Variants in PKHD1 observed in about 807,000 individuals in gnomAD.
PKHD1 encodes the protein PKHD1 ciliary IPT domain containing fibrocystin/polyductin, also known as fibrocystin.
A neutral mutation model predicts 412.0 loss-of-function variants in PKHD1; 291 were observed. That is an observed-to-expected ratio of 0.71 (90% CI 0.64 to 0.78). The LOEUF is 0.78. Ranked by LOEUF, PKHD1 falls within the 30% of genes least tolerant of loss-of-function variation. The pLI is 0.00. For missense variants in PKHD1, 4,825 were observed against 4,950.7 expected, an observed-to-expected ratio of 0.97 and a Z score of 0.76; for synonymous variants, 1,777 against 1,821.5, an observed-to-expected ratio of 0.98 and a Z score of 0.62.
At chr6:51,774,429 C>A (rs2151149869) in intron 54 of PKHD1, among the ~76,000 whole-genome samples, 1 of 151,980 alleles carries the variant, frequency 6.6e-6, no homozygotes, top group East Asian at 1.9e-4. Flanking sequence ...AAAGTTTGTT[C>A]CAGTGTTATC....
intron 63 of PKHD1, among the ~76,000 whole-genome samples, chr6:51,643,062 C>G (rs932470932): frequency 1.3e-5 from 2 of 152,008 alleles, no homozygotes; most frequent in Non-Finnish European, 2.9e-5. Context: ...ATGAAAAAAG[C>G]TAAAAATTAA....
chr6:51,931,621 C>G (rs1210449734), intron 37 of PKHD1, among the ~76,000 whole-genome samples: 1 of 152,160 alleles, frequency 6.6e-6, no homozygotes, highest in East Asian at 1.9e-4. Context: ...AATGGCTGAG[C>G]TCTTTTCTAC....
intron 52 of PKHD1, among the ~76,000 whole-genome samples, chr6:51,806,754 C>T (rs1405776085): frequency 1.3e-5 from 2 of 150,870 alleles, no homozygotes; most frequent in Non-Finnish European, 2.9e-5. Flanking sequence ...AATGTGTTTG[C>T]TAATAGGAAA....
At chr6:51,639,063 TA>T in intron 63 of PKHD1, 107 bp from the exon 64 acceptor site, 1 of 872,644 alleles carries the variant, frequency 1.1e-6, no homozygotes, top group South Asian at 1.3e-5. Flanking sequence ...GACAATTTTT[TA>T]AACTCAAAGA....
In PKHD1 at chr6:51,754,764, C is replaced by T. The variant is rs766264473; in HGVS notation, c.8797+20G>A. ...TTCCTAGCTCATTCACTTACCTTAA[C>T]CAACAAACCAAAGCCTTACCAATAT... On this transcript the variant is annotated intron_variant, in intron 56 of 66. Coordinates refer to ENST00000371117, the MANE Select transcript of PKHD1 (RefSeq NM_138694.4). The T allele has an allele frequency of 1.2e-5, 20 of 1,611,030 alleles. No homozygotes were observed. The highest frequency in any genetic ancestry group is 1.7e-6 in the Non-Finnish European group (2 of 1,177,466).
At chr6:52,058,189 A>G (rs1808077089) in intron 16 of PKHD1, 134 bp downstream of exon 16, 1 of 793,320 alleles carries the variant, frequency 1.3e-6, no homozygotes, top group African/African-American at 1.7e-5. Context: ...ATGCTGTTAA[A>G]GAGATATCCT....
At chr6:51,649,251 C>T (rs760123487) in intron 61 of PKHD1, 31 bp from the exon 62 acceptor site, 89 of 1,554,976 alleles carry the variant, frequency 5.7e-5, no homozygotes, top group Middle Eastern at 3.4e-4. Flanking sequence ...CAAAATACAT[C>T]CTTAGGATTA....
chr6:51,700,387 T>C (rs115629166), intron 60 of PKHD1, among the ~76,000 whole-genome samples: 1,819 of 152,104 alleles, frequency 0.012, 19 homozygotes, highest in South Asian at 0.045. Flanking sequence ...CCAAGCTCAA[T>C]CTCCTCCCCA....
chr6:51,672,912 C>T (rs1167701229), intron 60 of PKHD1, among the ~76,000 whole-genome samples: 1 of 152,148 alleles, frequency 6.6e-6, no homozygotes, highest in Non-Finnish European at 1.5e-5. Flanking sequence ...ATGACAATTT[C>T]AATGTTATCA....
At chr6:51,848,118 T>G in intron 49 of PKHD1, 148 bp from the exon 50 acceptor site, 1 of 665,064 alleles carries the variant, frequency 1.5e-6, no homozygotes, top group Non-Finnish European at 2.7e-6. Context: ...AGATTGTACT[T>G]TTCTTGTGGG....
At chr6:51,819,215 G>T (rs1409537) in intron 52 of PKHD1, among the ~76,000 whole-genome samples, 140,129 of 152,162 alleles carry the variant, frequency 0.92, 65,666 homozygotes, top group East Asian at 1. Flanking sequence ...GAGAACAGCT[G>T]GTACTATATC....
At chr6:51,654,458 C>T (rs922110453) in intron 61 of PKHD1, among the ~76,000 whole-genome samples, 1 of 152,026 alleles carries the variant, frequency 6.6e-6, no homozygotes, top group African/African-American at 2.4e-5. Context: ...GAATAAAAAA[C>T]ATTGGCATGT....
In PKHD1 at chr6:52,056,911, A is replaced by C; in HGVS notation, c.1581T>G (p.Pro527=). ...CCACCAGATGGGCTGTGGCATTTGCAGGGATTGGCTGACTAGAGACATTGT... is the reference window on the plus strand; with the variant it reads ...CCACCAGATGGGCTGTGGCATTTGCCGGGATTGGCTGACTAGAGACATTGT... The part of the protein sequence containing the change: ...TWDNVSSQPI[P]ANATAHLIQT... The change falls in exon 17 of 67, where the codon CCT becomes CCG. Residue 527 remains proline (P), a synonymous_variant. Coordinates refer to ENST00000371117, the MANE Select transcript of PKHD1 (RefSeq NM_138694.4). 6.2e-7 allele frequency: 1 copy of C among 1,613,596 alleles called. No individual in the cohort carries two copies. The highest frequency in any genetic ancestry group is 8.5e-7 in the Non-Finnish European group (1 of 1,179,534).
chr6:51,817,817 A>G (rs1234303403), intron 52 of PKHD1, among the ~76,000 whole-genome samples: 4 of 119,522 alleles, frequency 3.3e-5, no homozygotes, highest in African/African-American at 1.2e-4. Flanking sequence ...GGAAGACAGC[A>G]GAGAAGTGCC....
intron 64 of PKHD1, among the ~76,000 whole-genome samples, chr6:51,635,882 C>G (rs1305683252): frequency 4.5e-3 from 502 of 112,610 alleles, no homozygotes; most frequent in East Asian, 6.6e-3. Flanking sequence ...GGGCCGGGGG[C>G]GGATTTGTGG....
At chr6:51,886,566 T>C (rs1023582079) in intron 44 of PKHD1, among the ~76,000 whole-genome samples, 8 of 152,180 alleles carry the variant, frequency 5.3e-5, no homozygotes, top group African/African-American at 1.9e-4. Flanking sequence ...TAGTACATCA[T>C]ATCATTTAAA....
At chr6:52,011,335 A>G (rs761460294) in intron 34 of PKHD1, among the ~76,000 whole-genome samples, 1 of 152,244 alleles carries the variant, frequency 6.6e-6, no homozygotes, top group Non-Finnish European at 1.5e-5. Context: ...ATCAGTAATA[A>G]TAATGCATGA....
rs557756814 is a variant in PKHD1, at chr6:51,696,663, A to C, written c.10157-36694T>G. 9.8e-5 allele frequency among the ~76,000 whole-genome samples: 15 copies of C among 152,300 alleles called. No individual in the cohort carries two copies. In the East Asian group the frequency reaches 2.3e-3, roughly 24 times the overall value. Reference sequence around the variant, plus strand: ...ATCCATGAAGTTTAATAGGATCAACAGCTAAGGATGGGATGAGCAAGCCAG... The same window carrying C: ...ATCCATGAAGTTTAATAGGATCAACCGCTAAGGATGGGATGAGCAAGCCAG... On this transcript the variant is annotated intron_variant, in intron 60 of 66. Coordinates refer to ENST00000371117, the MANE Select transcript of PKHD1 (RefSeq NM_138694.4).
intron 51 of PKHD1, among the ~76,000 whole-genome samples, chr6:51,833,566 A>G (rs1469094243): frequency 6.6e-6 from 1 of 152,168 alleles, no homozygotes; most frequent in Non-Finnish European, 1.5e-5. Context: ...GGAGAATCAG[A>G]AGAGAGGAAG....
Sources: allele counts gnomAD v4.1 joint callset (sites outside exome capture counted in the v4.1 genomes callset), GRCh38; gene constraint gnomAD v4.1.1; transcripts MANE v1.5; gene names NCBI Gene and HGNC (gene_info 2026-07-23, HGNC 2026-07-21).